Variants in TSG101 observed in about 807,000 individuals in gnomAD.
TSG101 encodes tumor susceptibility 101.
A neutral mutation model predicts 48.5 loss-of-function variants in TSG101; 19 were observed. The observed-to-expected ratio is 0.39, with a 90% confidence interval of 0.27 to 0.58. The LOEUF (loss-of-function observed/expected upper bound fraction) is 0.58. Among genes scored for constraint, TSG101 ranks in the 20% least tolerant of loss-of-function variants. The pLI is 0.55. For missense variants in TSG101, 365 were observed against 484.4 expected (o/e 0.75, Z 2.31); for synonymous variants, 174 against 169.4 (o/e 1.03, Z -0.21).
At chr11:18,511,961 GAATC>G (rs898206516) in intron 4 of TSG101, among the ~76,000 whole-genome samples, 9 of 149,996 alleles carry the variant, frequency 6.0e-5, no homozygotes, top group African/African-American at 2.2e-4. Flanking sequence ...GTGGTAGTAT[GAATC>G]AATTCTTCAT....
In TSG101 at chr11:18,526,937, C is replaced by A. The variant is rs1263364681; in HGVS notation, c.-121G>T. ...GCCTCAAACAACAGGAAGTCGGCAC[C>A]ACTACACCACTTCCGCTTCCACTAC... On this transcript the variant is annotated 5_prime_UTR_variant, in exon 1 of 10. Transcript: ENST00000251968. The A allele has an allele frequency of 1.9e-6, 2 of 1,038,176 alleles. No individual in the cohort carries two copies. Among genetic ancestry groups the A allele is most frequent in the South Asian group, 1.5e-5 (1 of 68,036 alleles). The allele number at this position is 1,038,176 out of a possible 1,614,324, so 64.3% of individuals were successfully genotyped here.
chr11:18,506,877 G>A lies in TSG101; in HGVS notation c.528C>T (p.Ser176=), dbSNP rs35817606. 2,911 of 1,599,854 alleles carry A rather than the reference G, an allele frequency of 1.8e-3. 19 individuals are homozygous for A. Among genetic ancestry groups the A allele is most frequent in the South Asian group, 0.011 (988 of 88,072 alleles). The change falls in exon 6 of 10, where the codon TCC becomes TCT. Residue 176 remains serine (S), a synonymous_variant. Transcript: ENST00000251968. ...GMPGGISPYP[S]GYPPNPSGYP... is the part of the protein sequence containing the mutation. ...ATTACCTGGGATTGGGAGGGTATCC[G>A]GATGGGTATGGAGAGATTCCACCTG...
rs933725821 is a variant in TSG101, at chr11:18,526,935, A to G, written c.-119T>C. The G allele has an allele frequency of 3.9e-6, 4 of 1,035,360 alleles. No individual in the cohort carries two copies. Among genetic ancestry groups the G allele is most frequent in the African/African-American group, 3.2e-5 (2 of 62,480 alleles). 64.1% of individuals were successfully genotyped at this position (1,035,360 alleles called of 1,614,324 possible). A position where few individuals can be genotyped will look rare whatever the true frequency, so the allele number is the denominator to read the frequency against. On this transcript the variant is annotated 5_prime_UTR_variant, in exon 1 of 10. Transcript: ENST00000251968. ...CGGCCTCAAACAACAGGAAGTCGGC[A>G]CCACTACACCACTTCCGCTTCCACT...
intron 2 of TSG101, 23 bp downstream of exon 2, chr11:18,519,496 C>A (rs765046110): frequency 2.0e-6 from 3 of 1,532,866 alleles, no homozygotes; most frequent in Non-Finnish European, 2.7e-6. Context: ...ATAGAAATTG[C>A]TATTTTTACT....
chr11:18,510,571 T>C (rs544709795), intron 4 of TSG101, among the ~76,000 whole-genome samples: 1 of 152,142 alleles, frequency 6.6e-6, no homozygotes, highest in South Asian at 2.1e-4. Context: ...TTCTCTCAAA[T>C]ACCTATTGAG....
intron 7 of TSG101, among the ~76,000 whole-genome samples, chr11:18,486,332 T>A (rs1265105516): frequency 6.6e-6 from 1 of 152,206 alleles, no homozygotes; most frequent in Non-Finnish European, 1.5e-5. Context: ...CCAGGCAGGG[T>A]GTCGCTCGTC....
intron 5 of TSG101, 101 bp downstream of exon 5, chr11:18,509,441 C>T: frequency 7.0e-7 from 1 of 1,430,092 alleles, no homozygotes; most frequent in Non-Finnish European, 9.3e-7. Flanking sequence ...GCTTGATAAA[C>T]TAAAAAGCAA....
At chr11:18,503,849 C>T (rs918042113) in intron 6 of TSG101, among the ~76,000 whole-genome samples, 1 of 152,076 alleles carries the variant, frequency 6.6e-6, no homozygotes, top group Non-Finnish European at 1.5e-5. Context: ...CCTATTTTAG[C>T]TATAATTATC....
chr11:18,495,774 T>A (rs1012019738), intron 7 of TSG101, among the ~76,000 whole-genome samples: 1 of 151,740 alleles, frequency 6.6e-6, no homozygotes, highest in Non-Finnish European at 1.5e-5. Context: ...TAAACTGAGG[T>A]TGAAGATGTC....
chr11:18,517,853 A>G (rs774405694), intron 2 of TSG101, among the ~76,000 whole-genome samples: 1 of 152,238 alleles, frequency 6.6e-6, no homozygotes, highest in Non-Finnish European at 1.5e-5. Context: ...ACTGTTGACG[A>G]ATGTAAGCTA....
intron 7 of TSG101, among the ~76,000 whole-genome samples, chr11:18,494,602 C>T (rs1349621844): frequency 2.0e-5 from 3 of 152,206 alleles, no homozygotes; most frequent in African/African-American, 7.2e-5. Context: ...ACTAAACTCT[C>T]AGCATTTAAA....
chr11:18,486,880 A>C (rs1213882117), intron 7 of TSG101, among the ~76,000 whole-genome samples: 2 of 152,070 alleles, frequency 1.3e-5, no homozygotes, highest in Non-Finnish European at 2.9e-5. Flanking sequence ...AATGTCCAAC[A>C]ATGATAGACT....
chr11:18,483,900 T>C lies in TSG101; in HGVS notation c.813A>G (p.Glu271=), dbSNP rs146084845. Residue 271 remains glutamate, a synonymous_variant, in exon 8 of 10, where the codon GAA becomes GAG. Transcript: ENST00000251968. ...EDLKKGHQKL[E]EMVTRLDQEV... ...CTTGATCTAAACGGGTAACCATCTC[T>C]TCCAGTTTCTGGTGACCCTTTTTCA... 2.0e-5 allele frequency: 32 copies of C among 1,614,228 alleles called. No homozygotes were observed. The African/African-American group carries it at 4.0e-4, about 20-fold the overall frequency.
At chr11:18,524,586 G>C (rs1197526640) in intron 1 of TSG101, among the ~76,000 whole-genome samples, 1 of 152,174 alleles carries the variant, frequency 6.6e-6, no homozygotes, top group African/African-American at 2.4e-5. Context: ...TCATAGGTTG[G>C]ACAGTACTAA....
In TSG101 at chr11:18,484,072, C is replaced by A; in HGVS notation, c.641G>T (p.Gly214Val). 1 of 1,613,904 alleles carries A rather than the reference C, an allele frequency of 6.2e-7. No homozygotes were observed. Among genetic ancestry groups the A allele is most frequent in the Non-Finnish European group, 8.5e-7 (1 of 1,179,850 alleles). Residue 214 changes from glycine (G) to valine (V), a missense_variant and splice_region_variant, in exon 8 of 10, where the codon GGT becomes GTT. By Grantham distance (109) the Gly-to-Val change is moderately radical. Coordinates refer to ENST00000251968, the MANE Select transcript of TSG101 (RefSeq NM_006292.4). Reference sequence around the variant, plus strand: ...GCTGATTGTGCCATCCCTACTGGGACCTGCAGGAAACAGAGGCAAAAAACA... The same window carrying A: ...GCTGATTGTGCCATCCCTACTGGGAACTGCAGGAAACAGAGGCAAAAAACA... ...YPSQPPVTTV[G>V]PSRDGTISED...
intron 1 of TSG101, among the ~76,000 whole-genome samples, chr11:18,521,669 C>CTTTTTTTTTTTTTTTTTTTTT (rs1565096217): frequency 9.0e-6 from 1 of 111,440 alleles, no homozygotes. Flanking sequence ...CTGGCCCCTT[C>CTTTTTTTTTTTTTTTTTTTTT]CTTTTTTTTT....
At chr11:18,496,271 G>A (rs1448196385) in intron 7 of TSG101, among the ~76,000 whole-genome samples, 1 of 151,502 alleles carries the variant, frequency 6.6e-6, no homozygotes, top group Non-Finnish European at 1.5e-5. Flanking sequence ...TGACCAGCCT[G>A]GCTAACATAC....
intron 1 of TSG101, among the ~76,000 whole-genome samples, chr11:18,525,153 C>A (rs1424479477): frequency 6.6e-6 from 1 of 152,108 alleles, no homozygotes; most frequent in Non-Finnish European, 1.5e-5. Context: ...AGGTGATCCA[C>A]CCGCCTTGGC....
intron 7 of TSG101, among the ~76,000 whole-genome samples, chr11:18,495,479 G>A (rs1849761374): frequency 6.6e-6 from 1 of 152,036 alleles, no homozygotes; most frequent in African/African-American, 2.4e-5. Flanking sequence ...TTTTTACCAG[G>A]GGCAGGGGTG....
Sources: gnomAD v4.1 joint callset for allele counts (sites outside exome capture counted in the v4.1 genomes callset) on GRCh38, gnomAD v4.1.1 for gene constraint, MANE v1.5 for transcripts, NCBI Gene and HGNC (gene_info 2026-07-23, HGNC 2026-07-21) for gene names.